The following TRIM44 variants were observed in gnomAD, a reference collection of about 807,000 sequenced individuals.
TRIM44 encodes the protein tripartite motif-containing protein 44.
Under a neutral mutation model 37.4 loss-of-function variants are expected in TRIM44, and 13 were observed. The ratio of observed to expected loss-of-function variants is 0.35; its 90% confidence interval spans 0.23 to 0.55. The LOEUF (loss-of-function observed/expected upper bound fraction) is 0.55. TRIM44 is among the 20% of genes least tolerant of loss of function. TRIM44 has a pLI of 0.89. For synonymous variants in TRIM44, 175 were observed against 157.2 expected, an observed-to-expected ratio of 1.11 and a Z score of -0.85; for missense variants, 426 against 437.2, an observed-to-expected ratio of 0.97 and a Z score of 0.23.
At chr11:35,664,146 A>G (rs1042640935) in intron 1 of TRIM44, among the ~76,000 whole-genome samples, 10 of 152,180 alleles carry the variant, frequency 6.6e-5, no homozygotes, top group Non-Finnish European at 1.3e-4. Flanking sequence ...TGATAAGGCA[A>G]TCTTTTTGCC....
At chr11:35,667,410 A>C (rs1851344254) in intron 1 of TRIM44, among the ~76,000 whole-genome samples, 1 of 152,206 alleles carries the variant, frequency 6.6e-6, no homozygotes, top group Non-Finnish European at 1.5e-5. Context: ...TACTCTGTTG[A>C]TCAGGCTGGA....
At chr11:35,713,505 T>G (rs1852004360) in intron 2 of TRIM44, among the ~76,000 whole-genome samples, 1 of 150,090 alleles carries the variant, frequency 6.7e-6, no homozygotes, top group South Asian at 2.1e-4. Context: ...TGACATGCTT[T>G]TTTTTTTTTT....
intron 4 of TRIM44, among the ~76,000 whole-genome samples, chr11:35,774,220 C>T (rs1347996760): frequency 1.3e-5 from 2 of 152,126 alleles, no homozygotes; most frequent in South Asian, 2.1e-4. Context: ...CTCTCATAGC[C>T]GGTGATGATG....
chr11:35,764,371 C>A (rs1280789371), intron 4 of TRIM44, among the ~76,000 whole-genome samples: 1 of 152,192 alleles, frequency 6.6e-6, no homozygotes, highest in African/African-American at 2.4e-5. Context: ...CTTTCAACTT[C>A]TCTTTCAGGT....
chr11:35,670,663 C>T (rs1851383941), intron 1 of TRIM44, among the ~76,000 whole-genome samples: 1 of 152,154 alleles, frequency 6.6e-6, no homozygotes, highest in African/African-American at 2.4e-5. Flanking sequence ...TGTTTTTCAA[C>T]TCTAGAATGT....
At chr11:35,671,027 G>A (rs1343096331) in intron 1 of TRIM44, among the ~76,000 whole-genome samples, 1 of 152,172 alleles carries the variant, frequency 6.6e-6, no homozygotes, top group African/African-American at 2.4e-5. Flanking sequence ...GTGGCTTAGT[G>A]GGATGATGGG....
chr11:35,669,203 G>A (rs887631411), intron 1 of TRIM44, among the ~76,000 whole-genome samples: 3 of 152,120 alleles, frequency 2.0e-5, no homozygotes, highest in Admixed American at 2.0e-4. Context: ...TTCTGCTAAG[G>A]CCTGAGAGTA....
chr11:35,772,182 GA>G (rs1852882115), intron 4 of TRIM44, among the ~76,000 whole-genome samples: 1 of 152,218 alleles, frequency 6.6e-6, no homozygotes, highest in African/African-American at 2.4e-5. Context: ...TAAAGTTTGA[GA>G]ACCTCCACCT....
chr11:35,806,323 A>G lies in TRIM44; in HGVS notation c.1008-35A>G. On this transcript the variant is annotated intron_variant, in intron 4 of 4. Transcript: ENST00000299413. Reference sequence around the variant, plus strand: ...ACTAGGCTGCCTCCCTTCTTGTGATATCTTAACTCACCTGGTTCTCCTTTT... The same window carrying G: ...ACTAGGCTGCCTCCCTTCTTGTGATGTCTTAACTCACCTGGTTCTCCTTTT... The G allele has an allele frequency of 1.9e-6, 3 of 1,613,324 alleles. No individual in the cohort carries two copies. In the South Asian group the frequency reaches 3.3e-5, roughly 18 times the overall value.
chr11:35,776,716 A>G (rs11511916), intron 4 of TRIM44, among the ~76,000 whole-genome samples: 10,233 of 152,282 alleles, frequency 0.067, 447 homozygotes, highest in Non-Finnish European at 0.1. Context: ...TTGTGCACCC[A>G]GTAGTCATTC....
At chr11:35,697,021 A>G (rs779890643) in intron 2 of TRIM44, among the ~76,000 whole-genome samples, 7 of 152,114 alleles carry the variant, frequency 4.6e-5, no homozygotes, top group African/African-American at 1.2e-4. Context: ...TTAAAGACAA[A>G]TCTTTCCAAT....
chr11:35,717,534 G>T (rs1350633060), intron 2 of TRIM44, among the ~76,000 whole-genome samples: 1 of 152,120 alleles, frequency 6.6e-6, no homozygotes, highest in Non-Finnish European at 1.5e-5. Context: ...TTTTCAAGGA[G>T]ACTGATTTGA....
chr11:35,782,845 C>T (rs1316887817), intron 4 of TRIM44, among the ~76,000 whole-genome samples: 1 of 152,148 alleles, frequency 6.6e-6, no homozygotes, highest in African/African-American at 2.4e-5. Context: ...TTGGGAATGC[C>T]TAAGTCAGCC....
Position 35,801,302 on chromosome 11 carries a change from C to T in TRIM44, c.1008-5056C>T, listed in dbSNP as rs77484423. Among the ~76,000 whole-genome samples, 184 of 152,338 alleles carry T rather than the reference C, an allele frequency of 1.2e-3. 3 individuals carry two copies. In the East Asian group the frequency reaches 0.033, roughly 28 times the overall value. On this transcript the variant is annotated intron_variant, in intron 4 of 4. Transcript: ENST00000299413. ...TTTTTGAATTTCAGCTGACTCTAGC[C>T]TTCGTTCCTTGTCAATACCTCTTAA... is the stretch of plus-strand genomic sequence containing the variant.
At chr11:35,709,317 G>A (rs184328147) in intron 2 of TRIM44, among the ~76,000 whole-genome samples, 18 of 152,246 alleles carry the variant, frequency 1.2e-4, no homozygotes, top group African/African-American at 4.3e-4. Flanking sequence ...CAGAAGTTAT[G>A]TATCCCATTT....
In TRIM44 at chr11:35,816,978, A is replaced by G. The variant is rs956606404; in HGVS notation, c.*10593A>G. The G allele has an allele frequency of 4.6e-5, 7 of 152,154 alleles. No individual in the cohort carries two copies. The highest frequency in any genetic ancestry group is 1.0e-4 in the Non-Finnish European group (7 of 68,028). The allele number at this position is 152,154 out of a possible 1,614,324, so 9.4% of individuals were successfully genotyped here. ...ACCACATCCCCATGTACTTTTTCAT[A>G]TCAACGGTAAGTACCTCAAATTACC... On this transcript the variant is annotated 3_prime_UTR_variant, in exon 5 of 5. Transcript: ENST00000299413.
intron 4 of TRIM44, among the ~76,000 whole-genome samples, chr11:35,740,096 TAAAAAA>T (rs1258985035): frequency 4.6e-5 from 3 of 64,558 alleles, no homozygotes; most frequent in East Asian, 9.5e-4. Context: ...AGACTCTGTC[TAAAAAA>T]AAAAAAAAAA....
At chr11:35,727,014 G>C (rs567656472) in intron 3 of TRIM44, among the ~76,000 whole-genome samples, 1 of 151,930 alleles carries the variant, frequency 6.6e-6, no homozygotes, top group African/African-American at 2.4e-5. Flanking sequence ...AAATAAAAAA[G>C]TAGCAGACAT....
At chr11:35,787,560 A>T (rs1451782091) in intron 4 of TRIM44, among the ~76,000 whole-genome samples, 6 of 152,152 alleles carry the variant, frequency 3.9e-5, no homozygotes, top group Admixed American at 1.3e-4. Context: ...AGGTATTGCA[A>T]ATGGAAGAAA....
Sources: gnomAD v4.1 joint callset for allele counts (sites outside exome capture counted in the v4.1 genomes callset) on GRCh38, gnomAD v4.1.1 for gene constraint, MANE v1.5 for transcripts, NCBI Gene and HGNC (gene_info 2026-07-23, HGNC 2026-07-21) for gene names.